GALNT5: variants seen among roughly 807,000 people sequenced by gnomAD.
GALNT5 encodes UDP-GalNAc:polypeptide N-acetylgalactosaminyltransferase 5.
GALNT5 carries 72 observed loss-of-function variants against 85.4 expected under a neutral mutation model. That is an observed-to-expected ratio of 0.84 (90% CI 0.70 to 1.03). GALNT5 has a LOEUF of 1.03. Among genes scored for constraint, GALNT5 ranks in the 50% least tolerant of loss-of-function variants. The pLI is 0.00. For synonymous variants in GALNT5, 404 were observed against 397.0 expected (o/e 1.02, Z -0.21); for missense variants, 1,137 against 1,135.5 (o/e 1.00, Z -0.02).
Position 157,287,983 on chromosome 2 carries a change from C to T in GALNT5, c.1741+1849C>T, listed in dbSNP as rs544608645. Among the ~76,000 whole-genome samples the T allele has an allele frequency of 2.3e-4, 35 of 152,266 alleles. 1 individual carries two copies. The Middle Eastern group carries it at 0.01, about 44-fold the overall frequency. On this transcript the variant is annotated intron_variant, in intron 3 of 9. Coordinates refer to ENST00000259056, the MANE Select transcript of GALNT5 (RefSeq NM_014568.3). ...GTGAGGCTGTGCCTTATGCAAGCTC[C>T]CCCATCTAGCCAGTGGTAAATCCAA...
intron 4 of GALNT5, 76 bp downstream of exon 4, chr2:157,295,874 C>A: frequency 1.9e-6 from 2 of 1,042,628 alleles, no homozygotes; most frequent in Non-Finnish European, 1.4e-6. Flanking sequence ...TGAGTATATG[C>A]CTAATATGTG....
At chr2:157,279,318 G>A (rs146957063) in intron 1 of GALNT5, among the ~76,000 whole-genome samples, 2,187 of 152,354 alleles carry the variant, frequency 0.014, 42 homozygotes, top group Non-Finnish European at 0.016. Context: ...CATTCTCAGA[G>A]CTCAAACGCC....
rs761114901 is a variant in GALNT5, at chr2:157,284,337, T to C, written c.1510T>C (p.Phe504Leu). The change falls in exon 2 of 10, where the codon TTT (phenylalanine) becomes CTT (leucine). Residue 504 changes from phenylalanine to leucine, a missense_variant. Physicochemically the swap from Phe to Leu is conservative, Grantham distance 22. Transcript: ENST00000259056. ...NLPTTSVIMC[F>L]VDEVWSTLLR... ...CCCAACCACCAGTGTCATCATGTGC[T>C]TTGTGGATGAAGTGTGGTCCACTCT... The C allele has an allele frequency of 1.2e-6, 2 of 1,613,982 alleles. No homozygotes were observed. The highest frequency in any genetic ancestry group is 1.7e-5 in the Admixed American group (1 of 60,030).
intron 1 of GALNT5, among the ~76,000 whole-genome samples, chr2:157,279,661 G>C (rs1409146981): frequency 6.6e-6 from 1 of 152,234 alleles, no homozygotes; most frequent in Admixed American, 6.5e-5. Flanking sequence ...GCCAGTTGCT[G>C]AGACTGTGGG....
In GALNT5 at chr2:157,312,240, A is replaced by G. The variant is rs538005760; in HGVS notation, c.*892A>G. ...GTTGAAATGAGTAAAGCAGAAATAG[A>G]GCTGCTGAAAGTTTCTTTTATATAA... On this transcript the variant is annotated 3_prime_UTR_variant, in exon 10 of 10. Coordinates refer to ENST00000259056, the MANE Select transcript of GALNT5 (RefSeq NM_014568.3). The G allele has an allele frequency of 6.6e-6, 1 of 152,304 alleles. No homozygotes were observed. The highest frequency in any genetic ancestry group is 1.9e-4 in the East Asian group (1 of 5,186). 9.4% of individuals were successfully genotyped at this position (152,304 alleles called of 1,614,324 possible). A position where few individuals can be genotyped will look rare whatever the true frequency, so the allele number is the denominator to read the frequency against.
At position 157,308,647 on chromosome 2, in the gene GALNT5, C is replaced by A. The variant is rs777824532; in HGVS notation, c.2601C>A (p.Ala867=). 9.9e-6 allele frequency: 16 copies of A among 1,613,496 alleles called. No individual in the cohort carries two copies. The highest frequency in any genetic ancestry group is 1.4e-5 in the Non-Finnish European group (16 of 1,179,484). Residue 867 remains alanine (A), a synonymous_variant, in exon 9 of 10, where the codon GCC becomes GCA. Coordinates refer to ENST00000259056, the MANE Select transcript of GALNT5 (RefSeq NM_014568.3). The part of the protein sequence containing the change: ...WCIAPIPDKG[A]VRLHPCDNRN... ...TAGCCCCCATCCCTGATAAAGGAGC[C>A]GTAAGGCTGCACCCTTGTGATAACA...
intron 2 of GALNT5, among the ~76,000 whole-genome samples, 161 bp from the exon 3 acceptor site, chr2:157,285,854 C>T (rs2105144542): frequency 6.6e-6 from 1 of 152,210 alleles, no homozygotes; most frequent in South Asian, 2.1e-4. Context: ...AGAATCCTTC[C>T]AAGAAAATGA....
chr2:157,317,611 TA>T lies in GALNT5; in HGVS notation c.*6266del, dbSNP rs1683744668. Among the ~76,000 whole-genome samples the T allele has an allele frequency of 6.6e-6, 1 of 152,146 alleles. No individual in the cohort carries two copies. Among genetic ancestry groups the T allele is most frequent in the South Asian group, 2.1e-4 (1 of 4,836 alleles). ...TGTGGAGTATAAAGGATGTTGGAAT[TA>T]AACATTTTTAAGTACTTTTTCTTTT... On this transcript the variant is annotated 3_prime_UTR_variant, in exon 10 of 10. Transcript: ENST00000259056.
chr2:157,267,401 G>T (rs1376739461), intron 1 of GALNT5, among the ~76,000 whole-genome samples: 2 of 152,166 alleles, frequency 1.3e-5, no homozygotes, highest in African/African-American at 4.8e-5. Flanking sequence ...GGGGACTTAT[G>T]ACCCAAAGGA....
rs576003400 is a variant in GALNT5, at chr2:157,298,108, G to GGT, written c.1998-1440_1998-1439insGT. ...GTCAGTAAAGTTTGTGTGTGGTTGTGAGGCAGGAGAATAGGGTCTGGAGGC... is the reference window on the plus strand; with the variant it reads ...GTCAGTAAAGTTTGTGTGTGGTTGTGGTAGGCAGGAGAATAGGGTCTGGAGGC... On this transcript the variant is annotated intron_variant, in intron 5 of 9. Transcript: ENST00000259056. Among the ~76,000 whole-genome samples, 66 of 152,320 alleles carry GGT rather than the reference G, an allele frequency of 4.3e-4. 1 individual carries two copies. In the South Asian group the frequency reaches 0.012, roughly 28 times the overall value.
intron 1 of GALNT5, among the ~76,000 whole-genome samples, chr2:157,272,718 T>G (rs753918701): frequency 3.3e-4 from 50 of 152,226 alleles, no homozygotes; most frequent in Non-Finnish European, 4.7e-4. Flanking sequence ...TTGTTATTTT[T>G]TATGGCTTCA....
At chr2:157,276,090 T>C (rs765518142) in intron 1 of GALNT5, among the ~76,000 whole-genome samples, 3 of 152,222 alleles carry the variant, frequency 2.0e-5, no homozygotes, top group Non-Finnish European at 2.9e-5. Context: ...ATGTGGTTTT[T>C]GTCATTGGTT....
chr2:157,286,664 C>T (rs544617420), intron 3 of GALNT5, among the ~76,000 whole-genome samples: 15 of 152,028 alleles, frequency 9.9e-5, no homozygotes, highest in African/African-American at 3.4e-4. Context: ...CCACCATGCC[C>T]GGCTAATTTT....
chr2:157,270,799 A>G (rs1435029678), intron 1 of GALNT5, among the ~76,000 whole-genome samples: 1 of 152,220 alleles, frequency 6.6e-6, no homozygotes, highest in Non-Finnish European at 1.5e-5. Context: ...ACAATAATAG[A>G]GAATAATAAA....
At chr2:157,287,594 C>T (rs1031298467) in intron 3 of GALNT5, among the ~76,000 whole-genome samples, 21 of 152,124 alleles carry the variant, frequency 1.4e-4, no homozygotes, top group African/African-American at 2.2e-4. Flanking sequence ...TTCAAGATTT[C>T]GTAATGTTTT....
intron 8 of GALNT5, among the ~76,000 whole-genome samples, chr2:157,307,348 A>C (rs1683475911): frequency 6.6e-6 from 1 of 152,240 alleles, no homozygotes; most frequent in African/African-American, 2.4e-5. Flanking sequence ...AGAAAGAATA[A>C]GACCCTTAGA....
In GALNT5 at chr2:157,300,981, T is replaced by C. The variant is rs1683331951; in HGVS notation, c.2421T>C (p.Ile807=). The change falls in exon 7 of 10, where the codon ATT becomes ATC. Residue 807 remains isoleucine (I), a synonymous_variant. Transcript: ENST00000259056. ...ENVFPDLRAP[I]VRASGVLINV... ...TCTTTCCTGACTTAAGGGCTCCCATTGTGAGAGCTAGTGGTGTGGTAAGTT... is the reference window on the plus strand; with the variant it reads ...TCTTTCCTGACTTAAGGGCTCCCATCGTGAGAGCTAGTGGTGTGGTAAGTT... 1 of 1,612,652 alleles carries C rather than the reference T, an allele frequency of 6.2e-7. No homozygotes were observed. Among genetic ancestry groups the C allele is most frequent in the Non-Finnish European group, 8.5e-7 (1 of 1,178,956 alleles).
intron 1 of GALNT5, among the ~76,000 whole-genome samples, chr2:157,260,786 A>G (rs1270506063): frequency 6.6e-6 from 1 of 152,198 alleles, no homozygotes; most frequent in Non-Finnish European, 1.5e-5. Flanking sequence ...GTCGGCTACA[A>G]CCAGGTCGTT....
At chr2:157,264,414 C>T (rs73966094) in intron 1 of GALNT5, among the ~76,000 whole-genome samples, 5 of 152,130 alleles carry the variant, frequency 3.3e-5, no homozygotes, top group African/African-American at 1.2e-4. Flanking sequence ...AGAATTCTGG[C>T]GTGCTTGTCT....
Sources: gnomAD v4.1 joint callset for allele counts (sites outside exome capture counted in the v4.1 genomes callset) on GRCh38, gnomAD v4.1.1 for gene constraint, MANE v1.5 for transcripts, NCBI Gene and HGNC (gene_info 2026-07-23, HGNC 2026-07-21) for gene names.